The following MLIP variants were observed in gnomAD, a reference collection of about 807,000 sequenced individuals.
MLIP encodes muscular LMNA-interacting protein.
A neutral mutation model predicts 84.8 loss-of-function variants in MLIP; 79 were observed. The observed-to-expected ratio is 0.93, with a 90% CI of 0.78 to 1.12. The LOEUF is 1.12. Among genes scored for constraint, MLIP ranks in the 50% most tolerant of loss-of-function variants. MLIP has a pLI of 0.00. For missense variants in MLIP, 1,257 were observed against 1,160.6 expected (o/e 1.08, Z -1.21); for synonymous variants, 504 against 463.0 (o/e 1.09, Z -1.14).
intron 11 of MLIP, among the ~76,000 whole-genome samples, chr6:54,205,361 A>T (rs2150724824): frequency 1.3e-5 from 2 of 152,322 alleles, no homozygotes; most frequent in Middle Eastern, 6.8e-3. Flanking sequence ...TGTAATGGAA[A>T]ATTCTTTAGC....
At chr6:54,093,717 G>A (rs554623956) in intron 1 of MLIP, among the ~76,000 whole-genome samples, 4 of 152,192 alleles carry the variant, frequency 2.6e-5, no homozygotes, top group Admixed American at 1.3e-4. Flanking sequence ...CTGTGCATCC[G>A]CACAGGCACA....
At chr6:54,058,004 T>G (rs924970801) in intron 1 of MLIP, 1 of 152,190 alleles carries the variant, frequency 6.6e-6, no homozygotes, top group African/African-American at 2.4e-5. Context: ...CCTGAAACTT[T>G]AAACAGAAAG....
At chr6:54,225,434 T>A (rs1376338025) in intron 11 of MLIP, among the ~76,000 whole-genome samples, 4 of 152,196 alleles carry the variant, frequency 2.6e-5, no homozygotes, top group Admixed American at 1.3e-4. Context: ...CCATTATATA[T>A]GCAGTTCGTT....
chr6:54,052,320 C>T (rs140916904), intron 1 of MLIP, among the ~76,000 whole-genome samples: 1 of 152,116 alleles, frequency 6.6e-6, no homozygotes. Flanking sequence ...ACATTAAACT[C>T]CTATGAAAAT....
chr6:54,230,945 T>G lies in MLIP; in HGVS notation c.2922+28T>G, dbSNP rs1297822983. 5.0e-6 allele frequency: 8 copies of G among 1,601,410 alleles called. No homozygotes were observed. In the Admixed American group the frequency reaches 1.3e-4, roughly 27 times the overall value. On this transcript the variant is annotated intron_variant, in intron 12 of 13. Transcript: ENST00000502396. ...GAGAACTCCTCCCCAAAATGAGGAC[T>G]ATTCTATTCTGTGAACCTTCATTAC...
intron 11 of MLIP, among the ~76,000 whole-genome samples, chr6:54,227,249 C>T (rs1780639755): frequency 6.6e-6 from 1 of 152,130 alleles, no homozygotes; most frequent in South Asian, 2.1e-4. Flanking sequence ...TCAATTAAAC[C>T]TCTTTCCTTT....
At chr6:54,148,614 G>T (rs980850138) in intron 4 of MLIP, among the ~76,000 whole-genome samples, 2 of 152,192 alleles carry the variant, frequency 1.3e-5, no homozygotes, top group Middle Eastern at 3.4e-3. Context: ...GATGATGCAA[G>T]AAAATGATCA....
chr6:54,128,552 A>G (rs1333014185), intron 3 of MLIP, among the ~76,000 whole-genome samples: 1 of 151,914 alleles, frequency 6.6e-6, no homozygotes, highest in Non-Finnish European at 1.5e-5. Context: ...ATAAAGTAGG[A>G]CCCCTGAGTC....
chr6:54,212,948 G>T (rs1405048239), intron 11 of MLIP, among the ~76,000 whole-genome samples: 1 of 152,100 alleles, frequency 6.6e-6, no homozygotes, highest in Non-Finnish European at 1.5e-5. Context: ...TAATAAGAAG[G>T]CTAACTAGGC....
Position 54,217,979 on chromosome 6 carries a change from G to A in MLIP, c.2719-12735G>A. 8.1e-6 allele frequency: 8 copies of A among 985,446 alleles called. 1 individual carries two copies. The highest frequency in any genetic ancestry group is 9.6e-6 in the Non-Finnish European group (8 of 829,944). 61.0% of individuals were successfully genotyped at this position (985,446 alleles called of 1,614,324 possible). On this transcript the variant is annotated intron_variant, in intron 11 of 13. Transcript: ENST00000502396. Reference sequence around the variant, plus strand: ...GGCACAAGTTAGACGTGATAGAGATGCCATTAGTGTGTTTTGAAGCAAATC... The same window carrying A: ...GGCACAAGTTAGACGTGATAGAGATACCATTAGTGTGTTTTGAAGCAAATC...
intron 1 of MLIP, among the ~76,000 whole-genome samples, chr6:54,043,837 A>G (rs1764884330): frequency 1.3e-5 from 2 of 152,154 alleles, no homozygotes; most frequent in Admixed American, 6.6e-5. Context: ...CATTACAGAA[A>G]ATATGTGTCA....
At chr6:54,236,841 T>C (rs1781397402) in intron 12 of MLIP, among the ~76,000 whole-genome samples, 1 of 152,156 alleles carries the variant, frequency 6.6e-6, no homozygotes, top group Non-Finnish European at 1.5e-5. Flanking sequence ...AGTTTGGTGC[T>C]AATGAATTAA....
Position 54,136,983 on chromosome 6 carries a change from T to A in MLIP, c.914T>A (p.Leu305Gln). Residue 305 changes from leucine (L) to glutamine (Q), a missense_variant, in exon 4 of 14, where the codon CTA (leucine) becomes CAA (glutamine). Physicochemically the swap from Leu to Gln is moderately radical, Grantham distance 113 (BLOSUM62 -2). Coordinates refer to ENST00000502396, the MANE Select transcript of MLIP (RefSeq NM_001281747.2). ...STLLFPHSTQ[L>Q]SGSNLPSSTA... ...TTACTGTTTCCCCATTCCACTCAAC[T>A]ATCAGGTTCTAATTTACCCAGTTCA... 4 of 1,535,994 alleles carry A rather than the reference T, an allele frequency of 2.6e-6. No homozygotes were observed. The highest frequency in any genetic ancestry group is 1.2e-5 in the South Asian group (1 of 84,048).
At chr6:54,243,156 A>G (rs1009011613) in intron 12 of MLIP, among the ~76,000 whole-genome samples, 1 of 152,202 alleles carries the variant, frequency 6.6e-6, no homozygotes, top group Non-Finnish European at 1.5e-5. Flanking sequence ...TTGGGCAGGT[A>G]TGAGTATATA....
chr6:54,239,866 C>G (rs746252395), intron 12 of MLIP, among the ~76,000 whole-genome samples: 1 of 151,598 alleles, frequency 6.6e-6, no homozygotes, highest in South Asian at 2.1e-4. Context: ...TATAATAAAC[C>G]CTTCCAGTCA....
At chr6:54,211,176 A>G (rs1779426839) in intron 11 of MLIP, among the ~76,000 whole-genome samples, 1 of 152,176 alleles carries the variant, frequency 6.6e-6, no homozygotes, top group African/African-American at 2.4e-5. Context: ...CTGTGAGCCA[A>G]GATCACACCA....
intron 10 of MLIP, among the ~76,000 whole-genome samples, chr6:54,195,298 G>A (rs1000013336): frequency 6.6e-6 from 1 of 151,968 alleles, no homozygotes; most frequent in African/African-American, 2.4e-5. Flanking sequence ...TATCTCTCCA[G>A]AAAGATTAAA....
intron 1 of MLIP, among the ~76,000 whole-genome samples, chr6:54,061,791 G>T (rs1038412703): frequency 2.6e-5 from 4 of 152,150 alleles, no homozygotes; most frequent in African/African-American, 9.7e-5. Flanking sequence ...CTAAAGAAGA[G>T]ATCTGAGTAT....
intron 1 of MLIP, among the ~76,000 whole-genome samples, chr6:54,026,040 G>T (rs1413339506): frequency 6.6e-6 from 1 of 152,144 alleles, no homozygotes; most frequent in African/African-American, 2.4e-5. Context: ...TTCATGTTAA[G>T]TTTCTCAGTA....
Sources: allele counts gnomAD v4.1 joint callset (sites outside exome capture counted in the v4.1 genomes callset), GRCh38; gene constraint gnomAD v4.1.1; transcripts MANE v1.5; gene names NCBI Gene and HGNC (gene_info 2026-07-23, HGNC 2026-07-21).